XRRA1: variants seen among roughly 807,000 people sequenced by gnomAD.
The protein encoded by XRRA1 is X-ray radiation resistance-associated protein 1.
In XRRA1, 69 loss-of-function variants were observed where a neutral mutation model predicts 80.2. The observed-to-expected ratio is 0.86, with a 90% CI of 0.71 to 1.05. The LOEUF (loss-of-function observed/expected upper bound fraction) is 1.05, where lower values mean the gene tolerates loss of function less well. XRRA1 is among the 50% of genes least tolerant of loss of function. The pLI is 0.00. For synonymous variants in XRRA1, 348 were observed against 389.9 expected, an observed-to-expected ratio of 0.89 and a Z score of 1.27; for missense variants, 967 against 976.4, an observed-to-expected ratio of 0.99 and a Z score of 0.13.
intron 10 of XRRA1, chr11:74,864,127 A>G (rs116770896): frequency 6.6e-6 from 1 of 152,258 alleles, no homozygotes; most frequent in Non-Finnish European, 1.5e-5. Context: ...TTATTTAACA[A>G]AAGTTATAAA....
At position 74,843,095 on chromosome 11, in the gene XRRA1, G is replaced by T. The variant is rs2036825827; in HGVS notation, c.*105C>A. 5.7e-6 allele frequency: 8 copies of T among 1,414,544 alleles called. No individual in the cohort carries two copies. The highest frequency in any genetic ancestry group is 7.5e-6 in the Non-Finnish European group (8 of 1,069,838). The allele number at this position is 1,414,544 out of a possible 1,614,324, so 87.6% of individuals were successfully genotyped here. A position where few individuals can be genotyped will look rare whatever the true frequency, so the allele number is the denominator to read the frequency against. ...CAAGTGGGGCCCAGCTGAGCTCTGAGGCCTGTGGCCGGCTGGTCAACCTTG... is the reference window on the plus strand; with the variant it reads ...CAAGTGGGGCCCAGCTGAGCTCTGATGCCTGTGGCCGGCTGGTCAACCTTG... On this transcript the variant is annotated 3_prime_UTR_variant, in exon 19 of 19. Coordinates refer to ENST00000684022, the MANE Select transcript of XRRA1 (RefSeq NM_001378157.1).
intron 8 of XRRA1, among the ~76,000 whole-genome samples, chr11:74,911,089 T>C (rs111400161): frequency 6.6e-6 from 1 of 151,832 alleles, no homozygotes; most frequent in Non-Finnish European, 1.5e-5. Flanking sequence ...ATAAAGAGTA[T>C]AAAGATAAAG....
At chr11:74,915,332 G>A (rs922377021) in intron 8 of XRRA1, among the ~76,000 whole-genome samples, 2 of 152,176 alleles carry the variant, frequency 1.3e-5, no homozygotes, top group Non-Finnish European at 2.9e-5. Flanking sequence ...TGTGAAGACC[G>A]TGTCTCATAT....
intron 11 of XRRA1, among the ~76,000 whole-genome samples, chr11:74,862,429 T>C (rs949445291): frequency 3.9e-5 from 6 of 152,248 alleles, no homozygotes; most frequent in Non-Finnish European, 7.3e-5. Context: ...TGAAGAGATA[T>C]ACTATTTATT....
rs537503869 is a variant in XRRA1 at position 74,848,543 on chromosome 11, T to G, written c.1381-81A>C. 5.4e-6 allele frequency: 7 copies of G among 1,290,628 alleles called. No individual in the cohort carries two copies. In the South Asian group the frequency reaches 1.0e-4, roughly 19 times the overall value. 79.9% of individuals were successfully genotyped at this position (1,290,628 alleles called of 1,614,324 possible). A position where few individuals can be genotyped will look rare whatever the true frequency, so the allele number is the denominator to read the frequency against. ...TGGGCCTCACTAGCCTAAGGCCACT[T>G]GTATAGCAGCCGGAGTGCTGGGTAC... On this transcript the variant is annotated intron_variant, in intron 14 of 18. Coordinates refer to ENST00000684022, the MANE Select transcript of XRRA1 (RefSeq NM_001378157.1).
intron 10 of XRRA1, among the ~76,000 whole-genome samples, chr11:74,883,018 T>C (rs1056934497): frequency 3.9e-5 from 6 of 152,244 alleles, no homozygotes; most frequent in African/African-American, 1.4e-4. Flanking sequence ...GCAGGCCTCC[T>C]TGAGCTGTGG....
At chr11:74,845,392 A>G in intron 15 of XRRA1, 121 bp from the exon 16 acceptor site, 2 of 946,778 alleles carry the variant, frequency 2.1e-6, no homozygotes, top group Non-Finnish European at 3.1e-6. Flanking sequence ...GGGTAAGACC[A>G]AGACTGGGAT....
At chr11:74,930,459 C>A in intron 5 of XRRA1, 87 bp from the exon 6 acceptor site, 1 of 1,045,836 alleles carries the variant, frequency 9.6e-7, no homozygotes, top group South Asian at 1.5e-5. Context: ...GGGCCACTGT[C>A]AGAAGAAACA....
intron 11 of XRRA1, among the ~76,000 whole-genome samples, chr11:74,861,106 G>A (rs2042202091): frequency 6.6e-6 from 1 of 152,234 alleles, no homozygotes; most frequent in African/African-American, 2.4e-5. Flanking sequence ...CAATGTGCTG[G>A]GAGGGAGACA....
rs559479673 is a variant in XRRA1, at chr11:74,888,382, T to C, written c.1003+17857A>G. 6.0e-4 allele frequency among the ~76,000 whole-genome samples: 91 copies of C among 152,052 alleles called. 1 individual carries two copies. The highest frequency in any genetic ancestry group is 3.6e-4 in the African/African-American group (15 of 41,482). On this transcript the variant is annotated intron_variant, in intron 10 of 18. Transcript: ENST00000684022. ...GGGTCCTGACTGTTAGAAGGAAAAC[T>C]AACAGAAAGGACATCCACATCAAAA...
intron 10 of XRRA1, among the ~76,000 whole-genome samples, chr11:74,903,330 C>T (rs1315014394): frequency 2.0e-5 from 3 of 152,156 alleles, no homozygotes; most frequent in African/African-American, 7.2e-5. Context: ...TTATAAGCAA[C>T]CTAAGTGTTC....
At chr11:74,854,991 A>G (rs1000191311) in intron 12 of XRRA1, among the ~76,000 whole-genome samples, 3 of 152,176 alleles carry the variant, frequency 2.0e-5, no homozygotes, top group Admixed American at 6.5e-5. Context: ...TGGAGATTGC[A>G]GTGAGCCAAG....
intron 8 of XRRA1, chr11:74,919,752 G>A (rs1205714125): frequency 8.8e-6 from 4 of 454,552 alleles, no homozygotes; most frequent in African/African-American, 2.0e-5. Context: ...TGTCAGGAAG[G>A]AGATGGGAAC....
chr11:74,896,507 A>G (rs189454013), intron 10 of XRRA1, among the ~76,000 whole-genome samples: 2 of 152,232 alleles, frequency 1.3e-5, no homozygotes, highest in Admixed American at 1.3e-4. Flanking sequence ...CTGCAGTAGA[A>G]TAGAATATCG....
chr11:74,867,917 C>CTTTTTTTTTT (rs60520990), intron 10 of XRRA1, among the ~76,000 whole-genome samples: 1 of 106,746 alleles, frequency 9.4e-6, no homozygotes, highest in Admixed American at 1.1e-4. Flanking sequence ...TATAGTCAAT[C>CTTTTTTTTTT]TTTTTTTTTT....
chr11:74,931,460 G>A (rs1182414968), intron 5 of XRRA1, among the ~76,000 whole-genome samples: 1 of 152,010 alleles, frequency 6.6e-6, no homozygotes, highest in Non-Finnish European at 1.5e-5. Context: ...GAGTAGGTGG[G>A]ATTACAGGTG....
chr11:74,919,533 C>T (rs1212832848), intron 8 of XRRA1: 13 of 353,992 alleles, frequency 3.7e-5, no homozygotes, highest in Non-Finnish European at 6.5e-5. Flanking sequence ...CTGTCTACAG[C>T]CTGACTGGCT....
chr11:74,851,051 C>A (rs773273042), intron 14 of XRRA1, 37 bp downstream of exon 14: 2 of 1,562,072 alleles, frequency 1.3e-6, no homozygotes, highest in Non-Finnish European at 1.7e-6. Context: ...AGGCTGCACT[C>A]TTCCTGGGGG....
chr11:74,909,421 G>T (rs990427272), intron 8 of XRRA1, among the ~76,000 whole-genome samples: 3 of 152,162 alleles, frequency 2.0e-5, no homozygotes, highest in Non-Finnish European at 4.4e-5. Flanking sequence ...AGTGAAATAT[G>T]AAACAGCTAA....
Sources: allele counts gnomAD v4.1 joint callset (sites outside exome capture counted in the v4.1 genomes callset), GRCh38; gene constraint gnomAD v4.1.1; transcripts MANE v1.5; gene names NCBI Gene and HGNC (gene_info 2026-07-23, HGNC 2026-07-21).